Variants in RAD51C observed in about 807,000 individuals in gnomAD.
RAD51C encodes RAD51 paralog C, also known as DNA repair protein RAD51 homolog 3.
A neutral mutation model predicts 45.0 loss-of-function variants in RAD51C; 42 were observed. The observed-to-expected ratio is 0.93, with a 90% CI of 0.73 to 1.21. The LOEUF is 1.21. Ranked by LOEUF, RAD51C falls within the 50% of genes most tolerant of loss-of-function variation. The pLI is 0.00. For missense variants in RAD51C, 474 were observed against 452.2 expected (o/e 1.05, Z -0.44); for synonymous variants, 172 against 159.8 (o/e 1.08, Z -0.58).
chr17:58,731,726 A>C (rs1434342107), intron 7 of RAD51C, among the ~76,000 whole-genome samples: 1 of 152,048 alleles, frequency 6.6e-6, no homozygotes. Context: ...TTCTGTCATG[A>C]CTTATTTTTG....
rs786203690 is a variant in RAD51C, at chr17:58,695,125, G to A, written c.340G>A (p.Gly114Arg). The change falls in exon 2 of 9, where the codon GGA (glycine) becomes AGA (arginine). Residue 114 changes from glycine (G) to arginine (R), a missense_variant. By Grantham distance (125) the Gly-to-Arg change is moderately radical (BLOSUM62 -2). Transcript: ENST00000337432. The stretch of plus-strand genomic sequence containing the variant: ...AGCACTAGATGATATTCTTGGGGGT[G>A]GAGTGCCCTTAATGAAAACAACAGA... ...CSALDDILGG[G>R]VPLMKTTEIC... 5 of 1,613,928 alleles carry A rather than the reference G, an allele frequency of 3.1e-6. No homozygotes were observed. The African/African-American group carries it at 4.0e-5, about 13-fold the overall frequency.
intron 3 of RAD51C, among the ~76,000 whole-genome samples, chr17:58,698,901 G>A (rs1324266424): frequency 6.7e-6 from 1 of 148,156 alleles, no homozygotes; most frequent in African/African-American, 2.5e-5. Flanking sequence ...CATTCTGGGC[G>A]ACAAAAGTGA....
At chr17:58,698,107 G>A (rs750435252) in intron 3 of RAD51C, among the ~76,000 whole-genome samples, 28 of 151,734 alleles carry the variant, frequency 1.8e-4, no homozygotes, top group Admixed American at 7.9e-4. Flanking sequence ...TGCCTCCCAG[G>A]TTCAAGCAAT....
At chr17:58,705,632 C>G (rs1289635576) in intron 4 of RAD51C, among the ~76,000 whole-genome samples, 1 of 151,860 alleles carries the variant, frequency 6.6e-6, no homozygotes, top group African/African-American at 2.4e-5. Context: ...GTGCCTGACC[C>G]CTAATATTTC....
rs1555594725 is a variant in RAD51C, at chr17:58,696,770, A to T, written c.482A>T (p.Glu161Val). The T allele has an allele frequency of 3.1e-6, 5 of 1,614,176 alleles. No homozygotes were observed. The highest frequency in any genetic ancestry group is 4.2e-6 in the Non-Finnish European group (5 of 1,180,034). Residue 161 changes from glutamate to valine, a missense_variant, in exon 3 of 9, where the codon GAG becomes GTG. Physicochemically the swap from Glu to Val is moderately radical, Grantham distance 121. Coordinates refer to ENST00000337432, the MANE Select transcript of RAD51C (RefSeq NM_058216.3). Reference sequence around the variant, plus strand: ...GGTGAAGCAGTTTTTATTGATACAGAGGGAAGTTTTATGGTTGATAGAGTG... The same window carrying T: ...GGTGAAGCAGTTTTTATTGATACAGTGGGAAGTTTTATGGTTGATAGAGTG... ...VAGEAVFIDT[E>V]GSFMVDRVVD...
chr17:58,719,354 A>T (rs1598501064), intron 5 of RAD51C, among the ~76,000 whole-genome samples: 1 of 151,934 alleles, frequency 6.6e-6, no homozygotes, highest in East Asian at 2.0e-4. Context: ...CTGGGACTAC[A>T]GTTGTGCACC....
chr17:58,694,903 G>C (rs1204195838), intron 1 of RAD51C, 28 bp from the exon 2 acceptor site: 1 of 1,549,252 alleles, frequency 6.5e-7, no homozygotes, highest in Non-Finnish European at 8.9e-7. Flanking sequence ...CTAAAATTAG[G>C]GTTCTTTTTT....
chr17:58,726,203 A>G (rs1189620794), intron 7 of RAD51C, among the ~76,000 whole-genome samples: 3 of 151,760 alleles, frequency 2.0e-5, no homozygotes, highest in Non-Finnish European at 4.4e-5. Context: ...CACTTTAAAT[A>G]TAACATTTCA....
intron 3 of RAD51C, among the ~76,000 whole-genome samples, chr17:58,699,641 A>G (rs2048142964): frequency 6.6e-6 from 1 of 152,202 alleles, no homozygotes; most frequent in African/African-American, 2.4e-5. Context: ...ACATAAATGC[A>G]CAGAAGAGTT....
At position 58,734,094 on chromosome 17, in the gene RAD51C, G is replaced by GTA. The variant is rs1555605509; in HGVS notation, c.1027-16_1027-15dup. On this transcript the variant is annotated intron_variant, in intron 8 of 8. Transcript: ENST00000337432. ...CTTCAAATGTTCTTAAAGCATATTTGTATATATATTTTTTATCTTTCAGCC... is the reference window on the plus strand; with the variant it reads ...CTTCAAATGTTCTTAAAGCATATTTGTATATATATATTTTTTATCTTTCAGCC... 1.3e-6 allele frequency: 2 copies of GTA among 1,597,436 alleles called. No individual in the cohort carries two copies. The highest frequency in any genetic ancestry group is 1.7e-6 in the Non-Finnish European group (2 of 1,170,166).
intron 8 of RAD51C, among the ~76,000 whole-genome samples, chr17:58,732,948 A>G (rs771067933): frequency 5.9e-5 from 9 of 152,210 alleles, no homozygotes; most frequent in Admixed American, 2.0e-4. Context: ...CTGTGAATTT[A>G]CATCATAGAA....
intron 5 of RAD51C, among the ~76,000 whole-genome samples, chr17:58,712,517 C>G (rs755975122): frequency 2.6e-5 from 4 of 152,040 alleles, no homozygotes; most frequent in African/African-American, 9.7e-5. Context: ...TACAAACTTA[C>G]GTTTTAGAAA....
chr17:58,696,682 T>C lies in RAD51C; in HGVS notation c.405-11T>C. On this transcript the variant is annotated splice_polypyrimidine_tract_variant and intron_variant, in intron 2 of 8. Coordinates refer to ENST00000337432, the MANE Select transcript of RAD51C (RefSeq NM_058216.3). ...TCATGATTTGGTTGTTTGTCATCTT[T>C]CTGTTGACAGTATGCAGTTGGCAGT... 1 of 1,614,156 alleles carries C rather than the reference T, an allele frequency of 6.2e-7. No individual in the cohort carries two copies. The highest frequency in any genetic ancestry group is 8.5e-7 in the Non-Finnish European group (1 of 1,180,024).
chr17:58,711,232 AAAG>A (rs1276428193), intron 5 of RAD51C, among the ~76,000 whole-genome samples: 1 of 152,220 alleles, frequency 6.6e-6, no homozygotes, highest in African/African-American at 2.4e-5. Context: ...TCCGACTAAA[AAAG>A]CAATCCAAAC....
chr17:58,729,859 C>T (rs2049341502), intron 7 of RAD51C, among the ~76,000 whole-genome samples: 1 of 152,080 alleles, frequency 6.6e-6, no homozygotes, highest in Non-Finnish European at 1.5e-5. Flanking sequence ...ACATGAGCCA[C>T]TGTGCCCGGC....
chr17:58,711,736 T>A (rs1567801275), intron 5 of RAD51C, among the ~76,000 whole-genome samples: 1 of 151,786 alleles, frequency 6.6e-6, no homozygotes, highest in Non-Finnish European at 1.5e-5. Flanking sequence ...CCTCCTAAAG[T>A]ACTAGGATTA....
At chr17:58,716,695 C>G (rs970853679) in intron 5 of RAD51C, among the ~76,000 whole-genome samples, 4 of 151,702 alleles carry the variant, frequency 2.6e-5, no homozygotes, top group Non-Finnish European at 5.9e-5. Context: ...ATATCCTGAC[C>G]TTGTGATCCT....
rs551985691 is a variant in RAD51C, at chr17:58,727,877, A to T, written c.965+3777A>T. Among the ~76,000 whole-genome samples the T allele has an allele frequency of 2.0e-5, 3 of 151,558 alleles. No homozygotes were observed. In the South Asian group the frequency reaches 6.2e-4, roughly 32 times the overall value. ...CTGGAAGTCAGGGTGGCAGTGAGCT[A>T]TGATTGAGCTATTATACTTCAGGCT... On this transcript the variant is annotated intron_variant, in intron 7 of 8. Coordinates refer to ENST00000337432, the MANE Select transcript of RAD51C (RefSeq NM_058216.3).
At chr17:58,729,640 C>T (rs1310805169) in intron 7 of RAD51C, among the ~76,000 whole-genome samples, 1 of 152,010 alleles carries the variant, frequency 6.6e-6, no homozygotes, top group Non-Finnish European at 1.5e-5. Flanking sequence ...GGCGCCATAT[C>T]GGCTCCCTGC....
Sources: allele counts gnomAD v4.1 joint callset (sites outside exome capture counted in the v4.1 genomes callset), GRCh38; gene constraint gnomAD v4.1.1; transcripts MANE v1.5; gene names NCBI Gene and HGNC (gene_info 2026-07-23, HGNC 2026-07-21).